The following INPP4B variants were observed in gnomAD, a reference collection of about 807,000 sequenced individuals.
INPP4B encodes the protein inositol polyphosphate-4-phosphatase type II B, also known as inositol polyphosphate 4-phosphatase type II.
Under a neutral mutation model 122.5 loss-of-function variants are expected in INPP4B, and 55 were observed. The observed-to-expected ratio is 0.45, with a 90% CI of 0.36 to 0.56. INPP4B has a LOEUF of 0.56. Ranked by LOEUF, INPP4B falls within the 20% of genes least tolerant of loss-of-function variation. INPP4B has a pLI of 0.00. For missense variants in INPP4B, 1,000 were observed against 1,097.7 expected, an observed-to-expected ratio of 0.91 and a Z score of 1.26; for synonymous variants, 403 against 388.7, an observed-to-expected ratio of 1.04 and a Z score of -0.43.
chr4:142,357,316 T>A (rs942326469), intron 7 of INPP4B, among the ~76,000 whole-genome samples: 4 of 151,898 alleles, frequency 2.6e-5, no homozygotes, highest in African/African-American at 7.2e-5. Context: ...CCTTAACCTG[T>A]GGGGTCTTTG....
chr4:142,031,535 A>G (rs1740090345), intron 25 of INPP4B, among the ~76,000 whole-genome samples: 1 of 152,180 alleles, frequency 6.6e-6, no homozygotes, highest in African/African-American at 2.4e-5. Flanking sequence ...GTAGAACCTA[A>G]GGACTATGCA....
intron 1 of INPP4B, among the ~76,000 whole-genome samples, chr4:142,822,561 G>A (rs1471309657): frequency 2.0e-5 from 3 of 152,150 alleles, no homozygotes; most frequent in Non-Finnish European, 4.4e-5. Context: ...CACTCCTTAT[G>A]AGAATCTAAT....
intron 23 of INPP4B, among the ~76,000 whole-genome samples, chr4:142,105,780 TCC>T (rs1786759908): frequency 1.3e-5 from 2 of 152,132 alleles, no homozygotes; most frequent in Non-Finnish European, 2.9e-5. Context: ...AATTAACCTA[TCC>T]TTTAACATTG....
At chr4:142,034,890 A>G (rs988175340) in intron 25 of INPP4B, among the ~76,000 whole-genome samples, 1 of 152,054 alleles carries the variant, frequency 6.6e-6, no homozygotes, top group Non-Finnish European at 1.5e-5. Flanking sequence ...GATGAAGTTA[A>G]ACCCTCCTGG....
At chr4:142,554,744 G>GA (rs1198921137) in intron 2 of INPP4B, among the ~76,000 whole-genome samples, 6 of 152,118 alleles carry the variant, frequency 3.9e-5, no homozygotes, top group East Asian at 1.9e-4. Context: ...TGTAATGGGA[G>GA]AAAAAAGAGT....
intron 23 of INPP4B, among the ~76,000 whole-genome samples, chr4:142,096,841 A>T (rs1449528505): frequency 6.6e-6 from 1 of 152,182 alleles, no homozygotes; most frequent in Non-Finnish European, 1.5e-5. Flanking sequence ...ATTAGACAGC[A>T]ATGGTGGAGC....
rs564856785 is a variant in INPP4B at position 142,117,506 on chromosome 4, A to G, written c.2135+4622T>C. 2.4e-4 allele frequency among the ~76,000 whole-genome samples: 37 copies of G among 152,316 alleles called. No homozygotes were observed. In the South Asian group the frequency reaches 7.7e-3, roughly 32 times the overall value. On this transcript the variant is annotated intron_variant, in intron 21 of 25. Transcript: ENST00000262992. ...ATCCCTGGGATGTAAGGCTGCTTCAACCTATGCAAATCAATAAACATAATC... is the reference window on the plus strand; with the variant it reads ...ATCCCTGGGATGTAAGGCTGCTTCAGCCTATGCAAATCAATAAACATAATC...
intron 3 of INPP4B, among the ~76,000 whole-genome samples, chr4:142,435,410 A>G (rs1453802989): frequency 6.6e-6 from 1 of 150,848 alleles, no homozygotes; most frequent in African/African-American, 2.4e-5. Flanking sequence ...ATTTTTAATG[A>G]AATGTTTAAA....
intron 18 of INPP4B, among the ~76,000 whole-genome samples, chr4:142,135,712 A>G (rs866235543): frequency 1.3e-5 from 2 of 152,232 alleles, no homozygotes; most frequent in South Asian, 4.1e-4. Context: ...TTCAAAAAGC[A>G]GTAAATGAGA....
chr4:142,775,393 T>A (rs1194959907), intron 1 of INPP4B, among the ~76,000 whole-genome samples: 1 of 152,172 alleles, frequency 6.6e-6, no homozygotes, highest in Non-Finnish European at 1.5e-5. Context: ...CTTGTCTTTG[T>A]CTGCCATTTA....
intron 4 of INPP4B, among the ~76,000 whole-genome samples, chr4:142,430,461 T>C (rs1017674438): frequency 1.3e-5 from 2 of 152,128 alleles, no homozygotes; most frequent in African/African-American, 4.8e-5. Flanking sequence ...AGGTTAGGCA[T>C]ATATTTGCCA....
At chr4:142,318,165 A>C (rs1768520479) in intron 7 of INPP4B, among the ~76,000 whole-genome samples, 1 of 152,110 alleles carries the variant, frequency 6.6e-6, no homozygotes, top group Non-Finnish European at 1.5e-5. Flanking sequence ...CCTTTTCAGC[A>C]CTGCAAACAG....
At chr4:142,194,090 A>C (rs1164844858) in intron 14 of INPP4B, among the ~76,000 whole-genome samples, 1 of 152,152 alleles carries the variant, frequency 6.6e-6, no homozygotes, top group Non-Finnish European at 1.5e-5. Flanking sequence ...AAATTATTTT[A>C]TTAGCTTCAG....
At chr4:142,059,312 C>T (rs922755896) in intron 25 of INPP4B, among the ~76,000 whole-genome samples, 2 of 152,094 alleles carry the variant, frequency 1.3e-5, no homozygotes, top group Admixed American at 1.3e-4. Context: ...CTCCCTGTAG[C>T]CCCTGACAGT....
At chr4:142,572,151 T>C (rs1732974527) in intron 2 of INPP4B, among the ~76,000 whole-genome samples, 1 of 152,180 alleles carries the variant, frequency 6.6e-6, no homozygotes, top group Admixed American at 6.6e-5. Flanking sequence ...CACACTGCTC[T>C]GCTGTTGAAT....
chr4:142,505,240 T>TAA (rs61333660), intron 2 of INPP4B, among the ~76,000 whole-genome samples: 1 of 134,436 alleles, frequency 7.4e-6, no homozygotes, highest in Admixed American at 7.5e-5. Flanking sequence ...CTCTGTCTAT[T>TAA]AAAAAAAAAA....
intron 18 of INPP4B, among the ~76,000 whole-genome samples, chr4:142,134,042 T>C (rs2152800934): frequency 6.6e-6 from 1 of 152,356 alleles, no homozygotes; most frequent in Non-Finnish European, 1.5e-5. Flanking sequence ...TCTTTGCTAC[T>C]AGAGCATAAA....
At chr4:142,565,433 C>T (rs748510486) in intron 2 of INPP4B, among the ~76,000 whole-genome samples, 17 of 151,976 alleles carry the variant, frequency 1.1e-4, no homozygotes, top group Non-Finnish European at 7.4e-5. Context: ...TGTGGAATAA[C>T]GTAAGGGTTC....
At chr4:142,434,979 G>A (rs577300100) in intron 3 of INPP4B, among the ~76,000 whole-genome samples, 2 of 152,178 alleles carry the variant, frequency 1.3e-5, no homozygotes, top group Non-Finnish European at 2.9e-5. Flanking sequence ...TCCTGGGGCC[G>A]CAGGTTGGAC....
Sources: gnomAD v4.1 joint callset for allele counts (sites outside exome capture counted in the v4.1 genomes callset) on GRCh38, gnomAD v4.1.1 for gene constraint, MANE v1.5 for transcripts, NCBI Gene and HGNC (gene_info 2026-07-23, HGNC 2026-07-21) for gene names.